LRP1B: variants seen among roughly 807,000 people sequenced by gnomAD.
LRP1B encodes the protein LDL receptor related protein 1B.
LRP1B carries 217 observed loss-of-function variants against 556.6 expected under a neutral mutation model. That is an observed-to-expected ratio of 0.39 (90% CI 0.35 to 0.44). The LOEUF (loss-of-function observed/expected upper bound fraction) is 0.44. Among genes scored for constraint, LRP1B ranks in the 20% least tolerant of loss-of-function variants. The pLI is 1.00. For missense variants in LRP1B, 5,053 were observed against 5,620.8 expected (o/e 0.90, Z 3.23); for synonymous variants, 2,047 against 1,865.8 (o/e 1.10, Z -2.50).
In LRP1B at chr2:141,049,600, C is replaced by A. The variant is rs1268381869; in HGVS notation, c.1553-378G>T. ...CATTTTCTGTCGATACTAACTGTAC[C>A]ATTCATTATATTTGACAATGCTAAA... On this transcript the variant is annotated intron_variant, in intron 10 of 90. Coordinates refer to ENST00000389484, the MANE Select transcript of LRP1B (RefSeq NM_018557.3). Among the ~76,000 whole-genome samples, 4 of 151,894 alleles carry A rather than the reference C, an allele frequency of 2.6e-5. No individual in the cohort carries two copies. In the East Asian group the frequency reaches 5.8e-4, roughly 22 times the overall value.
intron 7 of LRP1B, among the ~76,000 whole-genome samples, chr2:141,069,576 C>T (rs1337142937): frequency 6.6e-6 from 1 of 151,950 alleles, no homozygotes; most frequent in Non-Finnish European, 1.5e-5. Flanking sequence ...CTCCACGTCC[C>T]TATTCTCTAA....
chr2:141,084,800 T>C (rs1472834377), intron 7 of LRP1B, among the ~76,000 whole-genome samples: 1 of 151,942 alleles, frequency 6.6e-6, no homozygotes, highest in Non-Finnish European at 1.5e-5. Flanking sequence ...CAGGTGCCCA[T>C]CACCACGCCC....
At chr2:141,285,231 G>T (rs1685663056) in intron 3 of LRP1B, among the ~76,000 whole-genome samples, 1 of 150,880 alleles carries the variant, frequency 6.6e-6, no homozygotes, top group Non-Finnish European at 1.5e-5. Context: ...TTGAGTAGGT[G>T]GCAAGCGCCA....
At chr2:141,907,326 C>G (rs1282889041) in intron 1 of LRP1B, among the ~76,000 whole-genome samples, 1 of 151,756 alleles carries the variant, frequency 6.6e-6, no homozygotes, top group African/African-American at 2.4e-5. Flanking sequence ...ATATGTTTTA[C>G]TTTCATACAT....
intron 23 of LRP1B, chr2:140,898,978 T>A (rs1363998993): frequency 5.3e-6 from 2 of 377,112 alleles, no homozygotes; most frequent in Middle Eastern, 4.5e-4. Context: ...GGAAGAGAAC[T>A]GTCTTGAGCT....
At chr2:141,398,405 A>C (rs1690324635) in intron 3 of LRP1B, among the ~76,000 whole-genome samples, 1 of 152,210 alleles carries the variant, frequency 6.6e-6, no homozygotes, top group Non-Finnish European at 1.5e-5. Context: ...AAATATATGG[A>C]AATATTTATC....
chr2:140,396,945 T>C (rs1182908932), intron 66 of LRP1B, among the ~76,000 whole-genome samples: 1 of 152,126 alleles, frequency 6.6e-6, no homozygotes, highest in African/African-American at 2.4e-5. Flanking sequence ...ACTATAACTT[T>C]GTAAAGCATC....
At chr2:141,413,391 A>G (rs1195223302) in intron 3 of LRP1B, among the ~76,000 whole-genome samples, 2 of 152,104 alleles carry the variant, frequency 1.3e-5, no homozygotes, top group Admixed American at 6.5e-5. Flanking sequence ...GACTTTGAAG[A>G]TGAAGGAATG....
chr2:141,216,626 G>A (rs1682826917), intron 6 of LRP1B, among the ~76,000 whole-genome samples: 1 of 152,196 alleles, frequency 6.6e-6, no homozygotes, highest in East Asian at 1.9e-4. Flanking sequence ...CACAGTAGAT[G>A]TACCCTACAA....
At chr2:141,396,274 T>C (rs144725056) in intron 3 of LRP1B, among the ~76,000 whole-genome samples, 2,957 of 152,328 alleles carry the variant, frequency 0.019, 44 homozygotes, top group Non-Finnish European at 0.029. Flanking sequence ...AAGTTTAGTG[T>C]TGATTTTCTT....
chr2:141,772,544 G>A (rs1346145084), intron 2 of LRP1B, among the ~76,000 whole-genome samples: 1 of 152,154 alleles, frequency 6.6e-6, no homozygotes, highest in Non-Finnish European at 1.5e-5. Context: ...CTGGGATAGG[G>A]TCCGGCGCTG....
rs10172206 is a variant in LRP1B at position 141,083,098 on chromosome 2, G to T, written c.1014-20825C>A. 7.2e-3 allele frequency among the ~76,000 whole-genome samples: 1,096 copies of T among 152,268 alleles called. 10 individuals are homozygous for T. The highest frequency in any genetic ancestry group is 0.024 in the African/African-American group (1,011 of 41,554). ...CTCCAATTGTTCAAAATGGGAGAAA[G>T]GTGGAAGAATATTCTTATAAAAATA... On this transcript the variant is annotated intron_variant, in intron 7 of 90. Transcript: ENST00000389484.
chr2:140,888,556 T>C (rs950617379), intron 23 of LRP1B, among the ~76,000 whole-genome samples: 6 of 106,778 alleles, frequency 5.6e-5, no homozygotes, highest in Non-Finnish European at 9.4e-5. Context: ...AGAGTAAAAA[T>C]AGAAAATATA....
intron 83 of LRP1B, among the ~76,000 whole-genome samples, chr2:140,308,008 A>G (rs1336814806): frequency 6.6e-6 from 1 of 151,906 alleles, no homozygotes; most frequent in Non-Finnish European, 1.5e-5. Context: ...TACTATGCTC[A>G]ATATAGAAAT....
chr2:140,719,945 TA>T (rs1687344285), intron 35 of LRP1B, among the ~76,000 whole-genome samples: 1 of 152,070 alleles, frequency 6.6e-6, no homozygotes, highest in African/African-American at 2.4e-5. Context: ...ACATGTTTTC[TA>T]ATATCTTGGA....
At chr2:140,417,458 C>T (rs376714644) in intron 66 of LRP1B, among the ~76,000 whole-genome samples, 2 of 152,154 alleles carry the variant, frequency 1.3e-5, no homozygotes, top group African/African-American at 4.8e-5. Context: ...TATATGCAAT[C>T]CAGGTTGATA....
At chr2:142,046,866 T>C (rs1704277654) in intron 1 of LRP1B, among the ~76,000 whole-genome samples, 1 of 152,082 alleles carries the variant, frequency 6.6e-6, no homozygotes, top group East Asian at 1.9e-4. Context: ...GATTTGGAAA[T>C]GGAATTATAA....
At chr2:141,486,393 A>C (rs1683123412) in intron 2 of LRP1B, among the ~76,000 whole-genome samples, 1 of 152,152 alleles carries the variant, frequency 6.6e-6, no homozygotes, top group Non-Finnish European at 1.5e-5. Flanking sequence ...TATAGAGTAA[A>C]TATTTTACTG....
At chr2:141,079,362 C>G (rs1053729340) in intron 7 of LRP1B, among the ~76,000 whole-genome samples, 1 of 152,194 alleles carries the variant, frequency 6.6e-6, no homozygotes, top group Non-Finnish European at 1.5e-5. Context: ...ACTGAAGTAA[C>G]TGTAGGCAGA....
Sources: allele counts gnomAD v4.1 joint callset (sites outside exome capture counted in the v4.1 genomes callset), GRCh38; gene constraint gnomAD v4.1.1; transcripts MANE v1.5; gene names NCBI Gene and HGNC (gene_info 2026-07-23, HGNC 2026-07-21).